PCNX2: variants seen among roughly 807,000 people sequenced by gnomAD.
The protein encoded by PCNX2 is pecanex-like protein 2.
A neutral mutation model predicts 223.8 loss-of-function variants in PCNX2; 168 were observed. The observed-to-expected ratio is 0.75, with a 90% CI of 0.66 to 0.85. The LOEUF (loss-of-function observed/expected upper bound fraction) is 0.85. Ranked by LOEUF, PCNX2 falls within the 40% of genes least tolerant of loss-of-function variation. The pLI is 0.00. For synonymous variants in PCNX2, 1,006 were observed against 1,052.6 expected, an observed-to-expected ratio of 0.96 and a Z score of 0.86; for missense variants, 2,507 against 2,675.5, an observed-to-expected ratio of 0.94 and a Z score of 1.39.
At chr1:233,111,413 A>T (rs74906332) in intron 21 of PCNX2, among the ~76,000 whole-genome samples, 2,549 of 152,204 alleles carry the variant, frequency 0.017, 29 homozygotes, top group East Asian at 0.043. Flanking sequence ...TTTATTTTTC[A>T]TTTTTTATTT....
At chr1:233,145,745 A>G (rs1677408720) in intron 19 of PCNX2, among the ~76,000 whole-genome samples, 1 of 152,184 alleles carries the variant, frequency 6.6e-6, no homozygotes. Flanking sequence ...TGGTAACAGT[A>G]AAAAGGGGTA....
At chr1:233,113,007 A>T (rs1199482108) in intron 21 of PCNX2, 1 of 1,288,998 alleles carries the variant, frequency 7.8e-7, no homozygotes, top group Non-Finnish European at 1.0e-6. Context: ...GTTAGGCTGT[A>T]AATCTTTAAG....
intron 19 of PCNX2, 87 bp downstream of exon 19, chr1:233,160,196 A>G: frequency 7.2e-7 from 1 of 1,395,716 alleles, no homozygotes; most frequent in African/African-American, 1.4e-5. Context: ...GGCATTAAGT[A>G]CATTCAGACT....
the PCNX2 span, among the ~76,000 whole-genome samples, chr1:233,313,735 G>T: frequency 1.3e-5 from 2 of 152,030 alleles, no homozygotes; most frequent in Non-Finnish European, 2.9e-5. Flanking sequence ...ACCAAAAATG[G>T]ACAAAGAAAT....
chr1:233,067,771 C>T (rs1672684068), intron 23 of PCNX2, among the ~76,000 whole-genome samples: 1 of 151,980 alleles, frequency 6.6e-6, no homozygotes, highest in Non-Finnish European at 1.5e-5. Context: ...CAGTGCCTGA[C>T]CAATAACTAA....
intron 14 of PCNX2, 94 bp from the exon 15 acceptor site, chr1:233,199,124 C>T: frequency 8.7e-7 from 1 of 1,153,890 alleles, no homozygotes; most frequent in Non-Finnish European, 1.2e-6. Context: ...CATTCGCATA[C>T]AAGATGCCTG....
At chr1:232,987,994 G>A (rs889624328) in intron 32 of PCNX2, among the ~76,000 whole-genome samples, 16 of 152,188 alleles carry the variant, frequency 1.1e-4, no homozygotes, top group Non-Finnish European at 2.2e-4. Flanking sequence ...CCCTCGCATG[G>A]GGCCCACCCG....
intron 28 of PCNX2, among the ~76,000 whole-genome samples, chr1:233,012,076 G>A (rs1224897584): frequency 6.6e-6 from 1 of 152,110 alleles, no homozygotes; most frequent in Non-Finnish European, 1.5e-5. Context: ...TTGCTTGCAG[G>A]AAGAAATCCC....
At chr1:233,117,942 G>A (rs376878515) in intron 21 of PCNX2, among the ~76,000 whole-genome samples, 2,434 of 149,522 alleles carry the variant, frequency 0.016, 28 homozygotes, top group East Asian at 0.041. Context: ...CCCGGGAGGC[G>A]GAGCTTGCAG....
At position 233,253,594 on chromosome 1, in the gene PCNX2, C is replaced by A. The variant is rs534799610; in HGVS notation, c.1835-806G>T. ...CTCCTGTCCTCAAGTGATCCTCCCA[C>A]CTCAGCCTCCTGAAGTACTGGGATT... On this transcript the variant is annotated intron_variant, in intron 5 of 33. Coordinates refer to ENST00000258229, the MANE Select transcript of PCNX2 (RefSeq NM_014801.4). This position sits in a 1 kb window ranked among gnomAD's most constrained non-coding sequence, Gnocchi z 4.2. Among the ~76,000 whole-genome samples the A allele has an allele frequency of 6.6e-6, 1 of 152,330 alleles. No individual in the cohort carries two copies. Among genetic ancestry groups the A allele is most frequent in the South Asian group, 2.1e-4 (1 of 4,816 alleles).
the PCNX2 span, among the ~76,000 whole-genome samples, chr1:233,323,083 A>G: frequency 6.6e-6 from 1 of 152,178 alleles, no homozygotes; most frequent in African/African-American, 2.4e-5. Flanking sequence ...TCTAAAACCC[A>G]AGAAGCTCTG....
chr1:233,224,218 G>A (rs1444385050), intron 10 of PCNX2, among the ~76,000 whole-genome samples: 1 of 152,198 alleles, frequency 6.6e-6, no homozygotes, highest in Admixed American at 6.5e-5. Context: ...CTAGATAAAT[G>A]AAAATAAACC....
At chr1:233,174,115 T>G (rs1572019013) in intron 17 of PCNX2, among the ~76,000 whole-genome samples, 1 of 146,194 alleles carries the variant, frequency 6.8e-6, no homozygotes, top group Non-Finnish European at 1.5e-5. Context: ...TTGTATATTA[T>G]ATATAATAAA....
At chr1:233,292,472 G>A (rs1661832884) in intron 1 of PCNX2, among the ~76,000 whole-genome samples, 1 of 152,030 alleles carries the variant, frequency 6.6e-6, no homozygotes, top group Admixed American at 6.6e-5. Context: ...GCCTCCCAAA[G>A]TGCTGGGATT....
chr1:233,262,131 C>A lies in PCNX2; in HGVS notation c.394G>T (p.Glu132Ter). 3.1e-6 allele frequency: 5 copies of A among 1,613,802 alleles called. No homozygotes were observed. Among genetic ancestry groups the A allele is most frequent in the Non-Finnish European group, 4.2e-6 (5 of 1,179,778 alleles). The stretch of plus-strand genomic sequence containing the variant: ...GGCGTGGAGAGGTTTCGACTGGCCT[C>A]TTCCTTTTTGCCATTGTGAATCTGC... Reference protein sequence around the residue: ...NRQIHNGKKEEASRNLSTPPL... With the variant: ...NRQIHNGKKE The change falls in exon 3 of 34, where the codon GAG becomes TAG. Residue 132 changes from glutamate (E) to a stop codon, truncating the protein, a stop_gained. Transcript: ENST00000258229. LOFTEE classifies it high-confidence loss of function.
Position 233,267,199 on chromosome 1 carries a change from C to A in PCNX2, c.154-4036G>T, listed in dbSNP as rs569984390. ...AGGCGTGGTGGTGCATGCTTGAAAT[C>A]CCAGCTACTCGGGAGACTAAGGCAG... On this transcript the variant is annotated intron_variant, in intron 1 of 33. Coordinates refer to ENST00000258229, the MANE Select transcript of PCNX2 (RefSeq NM_014801.4). Among the ~76,000 whole-genome samples the A allele has an allele frequency of 2.0e-5, 3 of 152,170 alleles. No individual in the cohort carries two copies. In the East Asian group the frequency reaches 5.8e-4, roughly 29 times the overall value.
chr1:233,051,432 A>G (rs1337294314), intron 25 of PCNX2, among the ~76,000 whole-genome samples: 2 of 152,206 alleles, frequency 1.3e-5, no homozygotes, highest in East Asian at 3.8e-4. Flanking sequence ...TAGCAATGAC[A>G]TGGAATCAAC....
At chr1:233,055,913 G>A (rs1393600589) in intron 24 of PCNX2, among the ~76,000 whole-genome samples, 2 of 152,106 alleles carry the variant, frequency 1.3e-5, no homozygotes, top group African/African-American at 2.4e-5. Context: ...CCCCAAGTGC[G>A]CTTACATAAG....
At chr1:233,004,825 G>T (rs1299560608) in intron 28 of PCNX2, among the ~76,000 whole-genome samples, 2 of 152,204 alleles carry the variant, frequency 1.3e-5, no homozygotes, top group East Asian at 1.9e-4. Context: ...AGGCTTCAAG[G>T]CTTCAGAGCA....
Sources: allele counts gnomAD v4.1 joint callset (sites outside exome capture counted in the v4.1 genomes callset), GRCh38; gene constraint gnomAD v4.1.1; non-coding constraint Gnocchi (gnomAD v3.1); transcripts MANE v1.5; gene names NCBI Gene and HGNC (gene_info 2026-07-23, HGNC 2026-07-21).